ESRP1: variants seen among roughly 807,000 people sequenced by gnomAD.
ESRP1 encodes the protein epithelial splicing regulatory protein 1.
In ESRP1, 33 loss-of-function variants were observed where a neutral mutation model predicts 81.7. The observed-to-expected ratio is 0.40, with a 90% CI of 0.31 to 0.54. The LOEUF is 0.54. ESRP1 is among the 20% of genes least tolerant of loss of function. ESRP1 has a pLI of 0.41. For missense variants in ESRP1, 672 were observed against 833.1 expected, an observed-to-expected ratio of 0.81 and a Z score of 2.38; for synonymous variants, 320 against 303.3, an observed-to-expected ratio of 1.06 and a Z score of -0.57.
At position 94,667,068 on chromosome 8, in the gene ESRP1, G is replaced by GGTGTGTGTGTGT. The variant is rs1163646804; in HGVS notation, c.932-866_932-855dup. On this transcript the variant is annotated intron_variant, in intron 9 of 15. Transcript: ENST00000433389. ...TAATACACAAATTAGCCAGGAGAGG[G>GGTGTGTGTGTGT]GTGTGTGTGTGTGTGTGTGTGTGTG... 3.4e-3 allele frequency among the ~76,000 whole-genome samples: 487 copies of GGTGTGTGTGTGT among 144,298 alleles called. 3 individuals carry two copies. Among genetic ancestry groups the GGTGTGTGTGTGT allele is most frequent in the East Asian group, 0.01 (50 of 4,952 alleles). 94.7% of individuals were successfully genotyped at this position (144,298 alleles called of 152,430 possible).
chr8:94,688,460 C>T (rs2554399), intron 13 of ESRP1: 212,525 of 254,014 alleles, frequency 0.84, 89,382 homozygotes, highest in South Asian at 0.89. Flanking sequence ...TCAGATTTCA[C>T]GTGCAACTCA....
At chr8:94,653,275 A>G (rs1818238066) in intron 4 of ESRP1, among the ~76,000 whole-genome samples, 1 of 152,210 alleles carries the variant, frequency 6.6e-6, no homozygotes. Context: ...TCAGTGTGTG[A>G]CATTAGCCTG....
At chr8:94,648,049 T>C (rs560037266) in intron 4 of ESRP1, among the ~76,000 whole-genome samples, 1 of 152,118 alleles carries the variant, frequency 6.6e-6, no homozygotes, top group South Asian at 2.1e-4. Flanking sequence ...GGAAGTATAT[T>C]AAGGATTGTT....
At chr8:94,689,271 A>AAT (rs1188270300) in intron 13 of ESRP1, among the ~76,000 whole-genome samples, 1 of 140,696 alleles carries the variant, frequency 7.1e-6, no homozygotes, top group East Asian at 2.2e-4. Context: ...AAAAAAAAAA[A>AAT]AAATCATATT....
chr8:94,665,120 G>A (rs1563528635), intron 8 of ESRP1, 34 bp from the exon 9 acceptor site: 2 of 1,613,676 alleles, frequency 1.2e-6, no homozygotes, highest in Non-Finnish European at 1.7e-6. Context: ...AGGACGGAAG[G>A]CTCAGAAACA....
chr8:94,696,942 G>A lies in ESRP1; in HGVS notation c.*16G>A. 1.3e-6 allele frequency: 2 copies of A among 1,569,954 alleles called. No individual in the cohort carries two copies. The highest frequency in any genetic ancestry group is 1.7e-6 in the Non-Finnish European group (2 of 1,156,508). ...TTGTATTTAAGGGCCCCAGCAGTTA[G>A]AACATCCTCAGAAAAGAAGGTAAGG... On this transcript the variant is annotated 3_prime_UTR_variant, in exon 15 of 16. Coordinates refer to ENST00000433389, the MANE Select transcript of ESRP1 (RefSeq NM_017697.4).
At chr8:94,642,827 A>C (rs1817681891) in intron 2 of ESRP1, among the ~76,000 whole-genome samples, 2 of 152,184 alleles carry the variant, frequency 1.3e-5, no homozygotes, top group Non-Finnish European at 2.9e-5. Flanking sequence ...GCCCTAGCAC[A>C]CGAGCTTCGA....
In ESRP1 at chr8:94,705,963, A is replaced by G; in HGVS notation, c.*74A>G. Reference sequence around the variant, plus strand: ...TATGGTGATCTTGAAACCTCCAGACACAAGAAAACTTCTAGCAAATTCAGG... The same window carrying G: ...TATGGTGATCTTGAAACCTCCAGACGCAAGAAAACTTCTAGCAAATTCAGG... On this transcript the variant is annotated 3_prime_UTR_variant, in exon 16 of 16. Coordinates refer to ENST00000433389, the MANE Select transcript of ESRP1 (RefSeq NM_017697.4). 1.3e-6 allele frequency: 2 copies of G among 1,524,646 alleles called. No individual in the cohort carries two copies. Among genetic ancestry groups the G allele is most frequent in the Non-Finnish European group, 1.8e-6 (2 of 1,139,962 alleles). 94.4% of individuals were successfully genotyped at this position (1,524,646 alleles called of 1,614,324 possible).
At chr8:94,676,009 T>G (rs2130654658) in intron 12 of ESRP1, among the ~76,000 whole-genome samples, 1 of 152,286 alleles carries the variant, frequency 6.6e-6, no homozygotes, top group South Asian at 2.1e-4. Flanking sequence ...CTTACTTTCT[T>G]AAGAAGGAAT....
chr8:94,704,702 A>G (rs1227951363), intron 15 of ESRP1, among the ~76,000 whole-genome samples: 1 of 146,416 alleles, frequency 6.8e-6, no homozygotes, highest in Non-Finnish European at 1.5e-5. Flanking sequence ...TTGGGGCAGC[A>G]ACGAGCTCTG....
intron 4 of ESRP1, among the ~76,000 whole-genome samples, chr8:94,653,664 A>T (rs1818261924): frequency 1.3e-5 from 2 of 152,240 alleles, no homozygotes; most frequent in South Asian, 4.1e-4. Context: ...ATGTTAGTAC[A>T]GGTAAACTTG....
intron 10 of ESRP1, among the ~76,000 whole-genome samples, chr8:94,670,509 T>C (rs1206182386): frequency 6.6e-6 from 1 of 152,178 alleles, no homozygotes; most frequent in Non-Finnish European, 1.5e-5. Context: ...AGTGCATGTT[T>C]TGGGGAAGGG....
At chr8:94,671,417 C>A in intron 10 of ESRP1, 36 bp from the exon 11 acceptor site, 1 of 1,573,284 alleles carries the variant, frequency 6.4e-7, no homozygotes, top group Non-Finnish European at 8.7e-7. Context: ...GGGAGTAGCA[C>A]AGCTCTAAAT....
At chr8:94,660,494 T>G (rs923987691) in intron 4 of ESRP1, among the ~76,000 whole-genome samples, 2 of 151,150 alleles carry the variant, frequency 1.3e-5, no homozygotes, top group African/African-American at 4.9e-5. Flanking sequence ...ATCCCAGCAC[T>G]TTAGGATACT....
At chr8:94,682,907 TA>T (rs1303544813) in intron 13 of ESRP1, among the ~76,000 whole-genome samples, 20 of 23,314 alleles carry the variant, frequency 8.6e-4, no homozygotes, top group East Asian at 2.8e-3. Flanking sequence ...CATTATTTTA[TA>T]TATATATATA....
intron 10 of ESRP1, among the ~76,000 whole-genome samples, chr8:94,669,376 G>A (rs778190622): frequency 1.3e-5 from 2 of 152,250 alleles, no homozygotes; most frequent in South Asian, 4.2e-4. Flanking sequence ...GAGTTCATCA[G>A]AGTTTTGTGT....
At chr8:94,643,198 A>G in intron 2 of ESRP1, 105 bp from the exon 3 acceptor site, 1 of 679,822 alleles carries the variant, frequency 1.5e-6, no homozygotes, top group Middle Eastern at 3.1e-4. Flanking sequence ...GTCACCCATC[A>G]GGGCCCTTAT....
chr8:94,642,010 G>C lies in ESRP1; in HGVS notation c.187G>C (p.Asp63His), dbSNP rs762132114. ...ACCGGATCAGTTGGAACTGACGGAG[G>C]ACTGCAAAGAAGAAACTAAAATAGA... The part of the protein sequence containing the change: ...VRPDQLELTE[D>H]CKEETKIDVE... Residue 63 changes from aspartate to histidine, a missense_variant, in exon 2 of 16, where the codon GAC (aspartate) becomes CAC (histidine). Physicochemically the swap from Asp to His is moderately conservative, Grantham distance 81. Transcript: ENST00000433389. 1.2e-6 allele frequency: 2 copies of C among 1,614,012 alleles called. No individual in the cohort carries two copies. The highest frequency in any genetic ancestry group is 4.5e-5 in the East Asian group (2 of 44,876).
At chr8:94,694,556 A>T (rs186967395) in intron 14 of ESRP1, among the ~76,000 whole-genome samples, 6 of 152,328 alleles carry the variant, frequency 3.9e-5, no homozygotes, top group Non-Finnish European at 5.9e-5. Flanking sequence ...GTGAGCCAAG[A>T]TCACTGCACT....
Sources: gnomAD v4.1 joint callset for allele counts (sites outside exome capture counted in the v4.1 genomes callset) on GRCh38, gnomAD v4.1.1 for gene constraint, MANE v1.5 for transcripts, NCBI Gene and HGNC (gene_info 2026-07-23, HGNC 2026-07-21) for gene names.